ERBB4: variants seen among roughly 807,000 people sequenced by gnomAD.
ERBB4 encodes erb-b2 receptor tyrosine kinase 4, also known as receptor tyrosine-protein kinase erbB-4.
ERBB4 carries 42 observed loss-of-function variants against 158.0 expected under a neutral mutation model. That is an observed-to-expected ratio of 0.27 (90% confidence interval 0.21 to 0.34). ERBB4 has a LOEUF of 0.34. Ranked by LOEUF, ERBB4 falls within the 10% of genes least tolerant of loss-of-function variation. The pLI is 1.00. For missense variants in ERBB4, 1,333 were observed against 1,624.1 expected, an observed-to-expected ratio of 0.82 and a Z score of 3.08; for synonymous variants, 583 against 558.7, an observed-to-expected ratio of 1.04 and a Z score of -0.61.
chr2:212,413,672 A>C (rs1459945870), intron 1 of ERBB4, among the ~76,000 whole-genome samples: 1 of 152,132 alleles, frequency 6.6e-6, no homozygotes, highest in Non-Finnish European at 1.5e-5. Flanking sequence ...TGGGCTTGAA[A>C]TCATTATTCA....
intron 20 of ERBB4, among the ~76,000 whole-genome samples, chr2:211,434,737 C>A (rs1217612129): frequency 1.3e-5 from 2 of 152,124 alleles, no homozygotes; most frequent in East Asian, 3.9e-4. Context: ...AATGAGAAAT[C>A]AATTTTTAAA....
chr2:211,983,677 G>T (rs1344454642), intron 2 of ERBB4, among the ~76,000 whole-genome samples: 6 of 152,012 alleles, frequency 3.9e-5, no homozygotes, highest in Non-Finnish European at 5.9e-5. Context: ...ACTGACATTT[G>T]GTTTAAAGTG....
At chr2:211,651,519 G>A (rs1437366593) in intron 16 of ERBB4, among the ~76,000 whole-genome samples, 2 of 152,160 alleles carry the variant, frequency 1.3e-5, no homozygotes, top group Admixed American at 6.5e-5. Flanking sequence ...AAAGGATTTT[G>A]CAGATGTAAT....
rs566177604 is a variant in ERBB4 at position 212,354,250 on chromosome 2, G to A, written c.82+184199C>T. Among the ~76,000 whole-genome samples, 11 of 152,186 alleles carry A rather than the reference G, an allele frequency of 7.2e-5. No individual in the cohort carries two copies. In the South Asian group the frequency reaches 8.3e-4, roughly 11 times the overall value. ...CCTAAGCAGCTTCATACAGGTAAAT[G>A]TCTACAGTCAGGAGCTGGCAGCAAG... On this transcript the variant is annotated intron_variant, in intron 1 of 27. Transcript: ENST00000342788.
At chr2:212,435,857 C>A (rs1294490041) in intron 1 of ERBB4, among the ~76,000 whole-genome samples, 1 of 151,718 alleles carries the variant, frequency 6.6e-6, no homozygotes, top group Non-Finnish European at 1.5e-5. Context: ...TATTTTAATA[C>A]TATGTAAATT....
At chr2:211,540,681 A>G (rs1297250921) in intron 20 of ERBB4, among the ~76,000 whole-genome samples, 1 of 151,808 alleles carries the variant, frequency 6.6e-6, no homozygotes, top group East Asian at 1.9e-4. Flanking sequence ...CTTCTGCCTC[A>G]GCCTCCCGAG....
chr2:212,156,322 C>T (rs1456529676), intron 1 of ERBB4, among the ~76,000 whole-genome samples: 1 of 151,860 alleles, frequency 6.6e-6, no homozygotes, highest in Non-Finnish European at 1.5e-5. Flanking sequence ...GACTTATTGA[C>T]CCAGTTCATC....
intron 1 of ERBB4, among the ~76,000 whole-genome samples, chr2:212,191,886 CATGTTAT>C (rs1209244405): frequency 7.1e-6 from 1 of 141,226 alleles, no homozygotes; most frequent in Admixed American, 7.2e-5. Flanking sequence ...ACATATGTTA[CATGTTAT>C]ATATTATATA....
chr2:211,597,087 C>T (rs13415457), intron 19 of ERBB4, among the ~76,000 whole-genome samples: 4 of 151,976 alleles, frequency 2.6e-5, no homozygotes, highest in Non-Finnish European at 2.9e-5. Context: ...CTCTATCGAG[C>T]GAGTATTTTT....
At chr2:211,894,982 CTATG>C (rs1001821626) in intron 3 of ERBB4, among the ~76,000 whole-genome samples, 4 of 152,052 alleles carry the variant, frequency 2.6e-5, no homozygotes, top group African/African-American at 7.2e-5. Context: ...TAAATCAAGA[CTATG>C]TAGTACAATT....
intron 1 of ERBB4, among the ~76,000 whole-genome samples, chr2:212,321,377 AT>A (rs1286806137): frequency 5.3e-5 from 8 of 150,516 alleles, no homozygotes; most frequent in Non-Finnish European, 8.9e-5. Flanking sequence ...TTAGAATCTA[AT>A]ATAATTTAAG....
intron 1 of ERBB4, among the ~76,000 whole-genome samples, chr2:212,413,737 T>C (rs990134022): frequency 1.3e-5 from 2 of 152,154 alleles, no homozygotes; most frequent in African/African-American, 2.4e-5. Context: ...ATAGGTATTA[T>C]CAAAATTATT....
At chr2:212,143,130 A>G (rs185481525) in intron 1 of ERBB4, among the ~76,000 whole-genome samples, 3 of 152,230 alleles carry the variant, frequency 2.0e-5, no homozygotes, top group Admixed American at 6.5e-5. Context: ...TACTATTGAA[A>G]CTTTAAAAAT....
intron 20 of ERBB4, among the ~76,000 whole-genome samples, chr2:211,513,968 T>C (rs1413723032): frequency 6.6e-6 from 1 of 152,110 alleles, no homozygotes; most frequent in African/African-American, 2.4e-5. Flanking sequence ...TATTATTCAT[T>C]TGTGTTGGGA....
intron 1 of ERBB4, among the ~76,000 whole-genome samples, chr2:212,474,058 A>C (rs1689250430): frequency 6.6e-6 from 1 of 152,138 alleles, no homozygotes; most frequent in Non-Finnish European, 1.5e-5. Flanking sequence ...TGAAAATCAT[A>C]AAATAGATAA....
chr2:212,059,710 A>C (rs1487257508), intron 2 of ERBB4, among the ~76,000 whole-genome samples: 1 of 152,238 alleles, frequency 6.6e-6, no homozygotes, highest in Non-Finnish European at 1.5e-5. Context: ...CCTATTTAAT[A>C]AATGGTCCTG....
At chr2:212,202,810 A>G (rs16847879) in intron 1 of ERBB4, among the ~76,000 whole-genome samples, 26,399 of 152,068 alleles carry the variant, frequency 0.17, 2,596 homozygotes, top group Non-Finnish European at 0.21. Context: ...TGGAGCAACC[A>G]TATGTTTTTT....
intron 1 of ERBB4, among the ~76,000 whole-genome samples, chr2:212,265,305 T>G (rs1272108765): frequency 6.6e-6 from 1 of 152,168 alleles, no homozygotes; most frequent in Non-Finnish European, 1.5e-5. Context: ...GCAATCATTT[T>G]ATGCTGTCTG....
In ERBB4 at chr2:211,583,640, G is replaced by A. The variant is rs556154354; in HGVS notation, c.2302-21552C>T. ...TACAGCACTTTGTTGTAACAAATAAGTATCTATAGGACTGTCTTTTATCAC... is the reference window on the plus strand; with the variant it reads ...TACAGCACTTTGTTGTAACAAATAAATATCTATAGGACTGTCTTTTATCAC... On this transcript the variant is annotated intron_variant, in intron 19 of 27. Coordinates refer to ENST00000342788, the MANE Select transcript of ERBB4 (RefSeq NM_005235.3). 1.3e-4 allele frequency among the ~76,000 whole-genome samples: 19 copies of A among 151,420 alleles called. 1 individual carries two copies. In the South Asian group the frequency reaches 3.8e-3, roughly 30 times the overall value.
Sources: allele counts gnomAD v4.1 joint callset (sites outside exome capture counted in the v4.1 genomes callset), GRCh38; gene constraint gnomAD v4.1.1; transcripts MANE v1.5; gene names NCBI Gene and HGNC (gene_info 2026-07-23, HGNC 2026-07-21).